The following EPHB1 variants were observed in gnomAD, a reference collection of about 807,000 sequenced individuals.
The protein encoded by EPHB1 is EPH receptor B1.
EPHB1 carries 30 observed loss-of-function variants against 94.4 expected under a neutral mutation model. The observed-to-expected ratio is 0.32, with a 90% CI of 0.24 to 0.43. EPHB1 has a LOEUF of 0.43. Ranked by LOEUF, EPHB1 falls within the 20% of genes least tolerant of loss-of-function variation. EPHB1 has a pLI of 1.00. For synonymous variants in EPHB1, 522 were observed against 489.1 expected (o/e 1.07, Z -0.89); for missense variants, 1,055 against 1,308.3 (o/e 0.81, Z 2.99).
intron 3 of EPHB1, among the ~76,000 whole-genome samples, chr3:134,960,500 G>T (rs1478243952): frequency 6.6e-6 from 1 of 152,186 alleles, no homozygotes; most frequent in East Asian, 1.9e-4. Flanking sequence ...ATGTGGTTTA[G>T]TCCAGAAGAG....
At chr3:135,094,540 G>A (rs961089997) in intron 3 of EPHB1, among the ~76,000 whole-genome samples, 3 of 152,194 alleles carry the variant, frequency 2.0e-5, no homozygotes, top group African/African-American at 7.2e-5. Context: ...TCTGAGGCAG[G>A]CAGGGCCAAG....
intron 1 of EPHB1, among the ~76,000 whole-genome samples, chr3:134,878,404 CT>C (rs1425110143): frequency 8.5e-5 from 13 of 152,154 alleles, no homozygotes; most frequent in African/African-American, 3.1e-4. Flanking sequence ...GCTGGAAACC[CT>C]TTGAATTAGA....
intron 12 of EPHB1, among the ~76,000 whole-genome samples, chr3:135,226,960 A>G (rs1438357588): frequency 6.6e-6 from 1 of 152,226 alleles, no homozygotes; most frequent in Non-Finnish European, 1.5e-5. Context: ...AAGTGGGAGC[A>G]AAACATTGAG....
chr3:135,100,211 T>C (rs1027998863), intron 3 of EPHB1, among the ~76,000 whole-genome samples: 1 of 152,048 alleles, frequency 6.6e-6, no homozygotes, highest in Non-Finnish European at 1.5e-5. Flanking sequence ...CCCTAGACCA[T>C]GCGCTGAGAA....
At chr3:134,923,761 G>C (rs1450187009) in intron 1 of EPHB1, among the ~76,000 whole-genome samples, 2 of 152,104 alleles carry the variant, frequency 1.3e-5, no homozygotes, top group African/African-American at 4.8e-5. Flanking sequence ...TTTATGACAG[G>C]GTTCTTCTAT....
chr3:135,217,160 C>T (rs1325638796), intron 12 of EPHB1, among the ~76,000 whole-genome samples: 1 of 152,038 alleles, frequency 6.6e-6, no homozygotes, highest in Admixed American at 6.6e-5. Context: ...ACAAACAGCC[C>T]GAGACCTTCT....
intron 4 of EPHB1, among the ~76,000 whole-genome samples, chr3:135,110,402 C>T (rs1001537025): frequency 9.9e-5 from 15 of 152,164 alleles, no homozygotes; most frequent in Non-Finnish European, 1.9e-4. Flanking sequence ...TTCGGGGTTT[C>T]CCTGGAGGCC....
intron 3 of EPHB1, among the ~76,000 whole-genome samples, chr3:135,040,416 C>T (rs9852133): frequency 0.12 from 18,536 of 152,262 alleles, 1,451 homozygotes; most frequent in Middle Eastern, 0.2. Context: ...TCAGAGCAGC[C>T]TGGCTTGTCC....
intron 1 of EPHB1, among the ~76,000 whole-genome samples, chr3:134,850,551 C>T (rs931233988): frequency 3.1e-4 from 47 of 152,256 alleles, no homozygotes; most frequent in African/African-American, 1.1e-3. Flanking sequence ...TGTTCACCGT[C>T]GGGTGGGGCA....
chr3:135,125,108 C>G (rs1289573590), intron 4 of EPHB1, among the ~76,000 whole-genome samples: 1 of 151,710 alleles, frequency 6.6e-6, no homozygotes, highest in Non-Finnish European at 1.5e-5. Context: ...TTCCAAGCTT[C>G]TGCTATTGAG....
chr3:134,825,963 T>A (rs7648596), intron 1 of EPHB1, among the ~76,000 whole-genome samples: 5 of 151,968 alleles, frequency 3.3e-5, no homozygotes, highest in African/African-American at 1.2e-4. Context: ...CAATTGAGAC[T>A]GGGTGCGGTG....
chr3:135,137,550 A>G (rs942250872), intron 5 of EPHB1, among the ~76,000 whole-genome samples: 1 of 152,078 alleles, frequency 6.6e-6, no homozygotes, highest in Non-Finnish European at 1.5e-5. Flanking sequence ...CTCTGGGCTC[A>G]TGGTGGCAGA....
chr3:134,914,553 G>C (rs992548290), intron 1 of EPHB1, among the ~76,000 whole-genome samples: 1 of 152,154 alleles, frequency 6.6e-6, no homozygotes, highest in Non-Finnish European at 1.5e-5. Flanking sequence ...CTCCTTGTGT[G>C]GGGGACTACA....
intron 3 of EPHB1, among the ~76,000 whole-genome samples, chr3:134,959,379 T>G (rs1225220469): frequency 1.3e-5 from 2 of 152,166 alleles, no homozygotes; most frequent in Non-Finnish European, 2.9e-5. Context: ...AGAACTCAGG[T>G]CTAGGGAGGC....
chr3:134,862,323 A>G (rs2037281562), intron 1 of EPHB1, among the ~76,000 whole-genome samples: 1 of 152,024 alleles, frequency 6.6e-6, no homozygotes, highest in Non-Finnish European at 1.5e-5. Flanking sequence ...GGGTCCAAAG[A>G]GGTTAGCGTA....
intron 12 of EPHB1, among the ~76,000 whole-genome samples, chr3:135,232,778 G>A (rs1943563301): frequency 6.6e-6 from 1 of 152,146 alleles, no homozygotes; most frequent in East Asian, 1.9e-4. Flanking sequence ...AGCATGGCTG[G>A]GGAGGCTTCA....
At chr3:134,890,169 GTATTTCCAT>G (rs2037950064) in intron 1 of EPHB1, among the ~76,000 whole-genome samples, 2 of 152,086 alleles carry the variant, frequency 1.3e-5, no homozygotes, top group Non-Finnish European at 2.9e-5. Context: ...TTGACGTTTT[GTATTTCCAT>G]GCATTTTATT....
chr3:134,982,424 A>G (rs1647829093), intron 3 of EPHB1, among the ~76,000 whole-genome samples: 1 of 152,192 alleles, frequency 6.6e-6, no homozygotes, highest in African/African-American at 2.4e-5. Context: ...TGGAATGCAA[A>G]TCTTGCCAGT....
At chr3:134,954,656 T>C (rs908292492) in intron 3 of EPHB1, among the ~76,000 whole-genome samples, 3 of 152,192 alleles carry the variant, frequency 2.0e-5, no homozygotes, top group Admixed American at 2.0e-4. Flanking sequence ...TTGATATATC[T>C]TTTCTGCATA....
Sources: allele counts gnomAD v4.1 joint callset (sites outside exome capture counted in the v4.1 genomes callset), GRCh38; gene constraint gnomAD v4.1.1; transcripts MANE v1.5; gene names NCBI Gene and HGNC (gene_info 2026-07-23, HGNC 2026-07-21).